CFI: variants seen among roughly 807,000 people sequenced by gnomAD.
CFI encodes C3B/C4B inactivator.
CFI carries 66 observed loss-of-function variants against 78.8 expected under a neutral mutation model. That is an observed-to-expected ratio of 0.84 (90% CI 0.69 to 1.03). The LOEUF (loss-of-function observed/expected upper bound fraction) is 1.03, where lower values mean the gene tolerates loss of function less well. CFI is among the 50% of genes least tolerant of loss of function. The probability of loss-of-function intolerance (pLI) is 0.00; values close to 1 mark genes in which losing one functional copy is unlikely to be tolerated. For synonymous variants in CFI, 250 were observed against 232.6 expected, an observed-to-expected ratio of 1.07 and a Z score of -0.68; for missense variants, 706 against 704.5, an observed-to-expected ratio of 1.00 and a Z score of -0.02.
intron 1 of CFI, among the ~76,000 whole-genome samples, chr4:109,787,982 C>G (rs935965309): frequency 6.6e-6 from 1 of 151,980 alleles, no homozygotes; most frequent in Non-Finnish European, 1.5e-5. Flanking sequence ...TCCACTCAGG[C>G]CCCACTTCAG....
chr4:109,760,963 T>C (rs536717773), intron 4 of CFI, among the ~76,000 whole-genome samples: 73 of 152,322 alleles, frequency 4.8e-4, no homozygotes, highest in African/African-American at 1.7e-3. Flanking sequence ...ATACTCATCC[T>C]CACCCCTACT....
At chr4:109,787,462 A>G (rs1211017931) in intron 1 of CFI, among the ~76,000 whole-genome samples, 1 of 152,044 alleles carries the variant, frequency 6.6e-6, no homozygotes, top group Non-Finnish European at 1.5e-5. Context: ...ACATAAAGTG[A>G]TGCCACAGAT....
chr4:109,738,803 C>G (rs534260503), downstream of CFI, among the ~76,000 whole-genome samples: 5 of 152,284 alleles, frequency 3.3e-5, no homozygotes, highest in African/African-American at 1.2e-4. Context: ...AATAAGCCTT[C>G]GTGATAACTC....
At chr4:109,760,405 T>C in intron 5 of CFI, 25 bp from the exon 6 acceptor site, 1 of 1,583,262 alleles carries the variant, frequency 6.3e-7, no homozygotes, top group East Asian at 2.2e-5. Flanking sequence ...GCAGGAGAGG[T>C]TTTTTTCATT....
At chr4:109,771,056 A>G (rs981423667) in intron 1 of CFI, among the ~76,000 whole-genome samples, 3 of 152,090 alleles carry the variant, frequency 2.0e-5, no homozygotes, top group African/African-American at 7.2e-5. Context: ...AGTGCTTTTC[A>G]TTTTAAGTAA....
At position 109,762,189 on chromosome 4, in the gene CFI, T is replaced by TAAA. The variant is rs10634105; in HGVS notation, c.483-500_483-498dup. ...CTGGGCAACAGAGTGAGACTCTGTC[T>TAAA]AAAAAAAAAAAAAAAAAAAATTTCC... is the stretch of plus-strand genomic sequence containing the variant. On this transcript the variant is annotated intron_variant, in intron 3 of 12. Coordinates refer to ENST00000394634, the MANE Select transcript of CFI (RefSeq NM_000204.5). 960 of 115,306 alleles carry TAAA rather than the reference T, an allele frequency of 8.3e-3. 45 individuals are homozygous for TAAA. Among genetic ancestry groups the TAAA allele is most frequent in the Admixed American group, 0.014 (149 of 10,362 alleles). 7.1% of individuals were successfully genotyped at this position (115,306 alleles called of 1,614,324 possible). A position where few individuals can be genotyped will look rare whatever the true frequency, so the allele number is the denominator to read the frequency against.
downstream of CFI, among the ~76,000 whole-genome samples, chr4:109,738,127 T>G (rs1428388507): frequency 6.6e-6 from 1 of 151,300 alleles, no homozygotes; most frequent in Non-Finnish European, 1.5e-5. Flanking sequence ...TTTTTTTTTT[T>G]TTTTTAAGAC....
chr4:109,785,558 T>C (rs1284244575), intron 1 of CFI, among the ~76,000 whole-genome samples: 3 of 152,078 alleles, frequency 2.0e-5, no homozygotes, highest in Non-Finnish European at 2.9e-5. Context: ...AAAATCTTTT[T>C]AACAATTATT....
At chr4:109,746,984 T>C (rs1724555927) in intron 10 of CFI, among the ~76,000 whole-genome samples, 1 of 152,200 alleles carries the variant, frequency 6.6e-6, no homozygotes. Context: ...GCATTGTATT[T>C]ATTTGTTCAC....
In CFI at chr4:109,749,210, T is replaced by A. The variant is rs373552593; in HGVS notation, c.1148+8A>T. On this transcript the variant is annotated splice_region_variant and intron_variant, in intron 10 of 12. Coordinates refer to ENST00000394634, the MANE Select transcript of CFI (RefSeq NM_000204.5). ...GGAAATCTAAAATTTACTGAAGACA[T>A]CTTTTACCTGAGACAATGTGCAGCA... 1.2e-6 allele frequency: 2 copies of A among 1,609,422 alleles called. No individual in the cohort carries two copies. The highest frequency in any genetic ancestry group is 1.7e-6 in the Non-Finnish European group (2 of 1,175,694).
At chr4:109,782,875 ATACT>A (rs773123980) in intron 1 of CFI, among the ~76,000 whole-genome samples, 3 of 152,124 alleles carry the variant, frequency 2.0e-5, no homozygotes, top group Non-Finnish European at 2.9e-5. Context: ...ATAAACCCAA[ATACT>A]TACAGCCAAC....
intron 1 of CFI, among the ~76,000 whole-genome samples, chr4:109,772,992 T>C (rs946884311): frequency 1.3e-5 from 2 of 152,310 alleles, no homozygotes; most frequent in African/African-American, 4.8e-5. Context: ...CCCCTTGAGG[T>C]TGGGCATGGT....
rs183478165 is a variant in CFI, at chr4:109,791,843, A to T, written c.57+10072T>A. On this transcript the variant is annotated intron_variant, in intron 1 of 12. Transcript: ENST00000394634. ...TCTTTGATAACTGCTTTCGCTGCAT[A>T]TCATATGTTTTGGTATGTTGTGTTT... Among the ~76,000 whole-genome samples, 12 of 152,242 alleles carry T rather than the reference A, an allele frequency of 7.9e-5. No homozygotes were observed. In the East Asian group the frequency reaches 2.3e-3, roughly 29 times the overall value.
downstream of CFI, among the ~76,000 whole-genome samples, chr4:109,738,816 G>A (rs1015132738): frequency 2.0e-5 from 3 of 152,200 alleles, no homozygotes; most frequent in Non-Finnish European, 2.9e-5. Flanking sequence ...GATAACTCTG[G>A]TCCAATCCTG....
At chr4:109,781,399 C>T (rs1346207396) in intron 1 of CFI, among the ~76,000 whole-genome samples, 1 of 152,086 alleles carries the variant, frequency 6.6e-6, no homozygotes, top group Non-Finnish European at 1.5e-5. Context: ...CGCACATAAA[C>T]TAGACTAGAA....
At chr4:109,764,742 TCTTA>T in intron 2 of CFI, 52 bp from the exon 3 acceptor site, 1 of 1,536,526 alleles carries the variant, frequency 6.5e-7, no homozygotes, top group Non-Finnish European at 8.9e-7. Context: ...CACTTTTTTC[TCTTA>T]ATTAAAAGTC....
intron 1 of CFI, among the ~76,000 whole-genome samples, chr4:109,800,678 T>C (rs1162078342): frequency 1.3e-5 from 2 of 152,158 alleles, no homozygotes; most frequent in African/African-American, 4.8e-5. Flanking sequence ...TAGCCAATGA[T>C]AGCAACTATT....
At chr4:109,781,643 T>TC (rs1367118347) in intron 1 of CFI, among the ~76,000 whole-genome samples, 2 of 152,138 alleles carry the variant, frequency 1.3e-5, no homozygotes, top group East Asian at 3.9e-4. Context: ...GAAGGAACCC[T>TC]CCCCAATTCA....
intron 1 of CFI, 93 bp downstream of exon 1, chr4:109,801,822 A>G: frequency 2.4e-6 from 2 of 847,896 alleles, no homozygotes; most frequent in Admixed American, 2.3e-5. Context: ...TGTAATATTT[A>G]AATCAAAATT....
Sources: allele counts gnomAD v4.1 joint callset (sites outside exome capture counted in the v4.1 genomes callset), GRCh38; gene constraint gnomAD v4.1.1; transcripts MANE v1.5; gene names NCBI Gene and HGNC (gene_info 2026-07-23, HGNC 2026-07-21).